Variants in RUNX1 observed in about 807,000 individuals in gnomAD.
RUNX1 encodes the protein runt-related transcription factor 1.
RUNX1 carries 19 observed loss-of-function variants against 42.8 expected under a neutral mutation model. The ratio of observed to expected loss-of-function variants is 0.44; its 90% CI spans 0.31 to 0.65. The LOEUF (loss-of-function observed/expected upper bound fraction) is 0.65. RUNX1 is among the 30% of genes least tolerant of loss of function. The pLI is 0.07. For missense variants in RUNX1, 528 were observed against 672.0 expected (o/e 0.79, Z 2.37); for synonymous variants, 271 against 289.4 (o/e 0.94, Z 0.64).
intron 4 of RUNX1, among the ~76,000 whole-genome samples, chr21:34,885,406 T>C (rs1473162710): frequency 1.3e-5 from 2 of 151,958 alleles, no homozygotes; most frequent in Admixed American, 6.6e-5. Flanking sequence ...CAAATCTAAG[T>C]AAACGGAGGG....
chr21:35,029,460 T>G (rs1686908743), intron 2 of RUNX1, among the ~76,000 whole-genome samples: 1 of 152,124 alleles, frequency 6.6e-6, no homozygotes, highest in Non-Finnish European at 1.5e-5. Flanking sequence ...AATGTTGGCT[T>G]CTAAGGCATT....
At chr21:35,016,971 A>G (rs913657247) in intron 2 of RUNX1, among the ~76,000 whole-genome samples, 13 of 151,648 alleles carry the variant, frequency 8.6e-5, no homozygotes, top group Non-Finnish European at 1.8e-4. Context: ...AGTGCAGAGT[A>G]AGGGCCCAAA....
intron 2 of RUNX1, among the ~76,000 whole-genome samples, chr21:34,917,799 C>G (rs911120424): frequency 1.3e-5 from 2 of 152,020 alleles, no homozygotes; most frequent in African/African-American, 4.8e-5. Context: ...TCGTCAGGAC[C>G]CTAAACGCAT....
intron 2 of RUNX1, among the ~76,000 whole-genome samples, chr21:34,953,126 A>AC (rs1382537287): frequency 7.0e-6 from 1 of 143,298 alleles, no homozygotes; most frequent in African/African-American, 2.8e-5. Flanking sequence ...TGTTTTGGGG[A>AC]CTTTTTTTTT....
chr21:34,992,890 T>C (rs1030813063), intron 2 of RUNX1, among the ~76,000 whole-genome samples: 3 of 151,846 alleles, frequency 2.0e-5, no homozygotes, highest in African/African-American at 4.8e-5. Flanking sequence ...AGTTTCTCCA[T>C]GTCAGGGCTA....
intron 2 of RUNX1, among the ~76,000 whole-genome samples, chr21:35,022,490 A>C (rs940350532): frequency 2.6e-4 from 39 of 152,246 alleles, no homozygotes; most frequent in African/African-American, 8.9e-4. Flanking sequence ...GATTTCAGCA[A>C]TCACTGCTGA....
In RUNX1 at chr21:34,907,619, T is replaced by TCCC. The variant is rs2058233582; in HGVS notation, c.59-14657_59-14656insGGG. On this transcript the variant is annotated intron_variant, in intron 2 of 8. Coordinates refer to ENST00000675419, the MANE Select transcript of RUNX1 (RefSeq NM_001754.5). The surrounding 1 kb of genome is among the most constrained non-coding windows in gnomAD (Gnocchi z 5.3). ...TTGGCTCCCTGTGACTCTCTGAAGTTCTCCTTTCTGTGCCTCCGCTTCCAC... is the reference window on the plus strand; with the variant it reads ...TTGGCTCCCTGTGACTCTCTGAAGTTCCCCTCCTTTCTGTGCCTCCGCTTCCAC... Among the ~76,000 whole-genome samples, 1 of 150,956 alleles carries TCCC rather than the reference T, an allele frequency of 6.6e-6. No homozygotes were observed. The highest frequency in any genetic ancestry group is 1.5e-5 in the Non-Finnish European group (1 of 67,372).
chr21:35,044,811 G>C (rs935107115), intron 2 of RUNX1, among the ~76,000 whole-genome samples: 1 of 152,112 alleles, frequency 6.6e-6, no homozygotes, highest in Non-Finnish European at 1.5e-5. Context: ...CACATCTTTC[G>C]GATCTATTTT....
intron 5 of RUNX1, among the ~76,000 whole-genome samples, chr21:34,868,604 C>T (rs960013985): frequency 5.3e-5 from 8 of 152,204 alleles, no homozygotes; most frequent in African/African-American, 1.9e-4. Flanking sequence ...TCCTTGTCAC[C>T]TGCAGGTCTC....
chr21:34,827,734 C>A (rs6517257), intron 7 of RUNX1, among the ~76,000 whole-genome samples: 1 of 152,202 alleles, frequency 6.6e-6, no homozygotes, highest in South Asian at 2.1e-4. Context: ...CCTAGGTATA[C>A]CTAGGCTGCC....
intron 7 of RUNX1, among the ~76,000 whole-genome samples, chr21:34,805,041 C>T (rs1195482991): frequency 6.6e-6 from 1 of 152,132 alleles, no homozygotes; most frequent in Non-Finnish European, 1.5e-5. Context: ...GCATGAGCCA[C>T]CGTGCCCAGC....
intron 2 of RUNX1, among the ~76,000 whole-genome samples, chr21:34,899,248 A>C (rs2058157313): frequency 6.6e-6 from 1 of 152,102 alleles, no homozygotes; most frequent in South Asian, 2.1e-4. Context: ...TATGGCCTGA[A>C]TGTTTGTATC....
chr21:34,818,688 A>G (rs1466159514), intron 7 of RUNX1, among the ~76,000 whole-genome samples: 1 of 152,264 alleles, frequency 6.6e-6, no homozygotes, highest in East Asian at 1.9e-4. Flanking sequence ...TTTAAGGCTT[A>G]ACACACACAA....
Position 34,909,588 on chromosome 21 carries a change from C to CAAAAAAAAAAAAAAAAAAAAAAAAAAAA in RUNX1, c.59-16626_59-16625insTTTTTTTTTTTTTTTTTTTTTTTTTTTT, listed in dbSNP as rs10584066. ...TTATACAGACCAGGTCACTGTTCCT[C>CAAAAAAAAAAAAAAAAAAAAAAAAAAAA]AAAAAAAAAAAAAAAAAAAAGATGG... On this transcript the variant is annotated intron_variant, in intron 2 of 8. Transcript: ENST00000675419. Among the ~76,000 whole-genome samples the CAAAAAAAAAAAAAAAAAAAAAAAAAAAA allele has an allele frequency of 1.7e-4, 13 of 75,018 alleles. 1 individual carries two copies. Among genetic ancestry groups the CAAAAAAAAAAAAAAAAAAAAAAAAAAAA allele is most frequent in the African/African-American group, 8.1e-4 (13 of 16,002 alleles). 49.2% of individuals were successfully genotyped at this position (75,018 alleles called of 152,430 possible).
chr21:34,858,972 C>T (rs1029486987), intron 6 of RUNX1, among the ~76,000 whole-genome samples: 9 of 152,214 alleles, frequency 5.9e-5, no homozygotes, highest in Middle Eastern at 3.4e-3. Flanking sequence ...TTAAAAATGC[C>T]TGTAATAAGA....
At chr21:34,928,723 G>A (rs10483023) in intron 2 of RUNX1, among the ~76,000 whole-genome samples, 1 of 151,372 alleles carries the variant, frequency 6.6e-6, no homozygotes, top group Non-Finnish European at 1.5e-5. Flanking sequence ...GGCTGATTTA[G>A]ATTTTTTGGC....
chr21:34,801,269 C>T (rs1178073328), intron 7 of RUNX1, among the ~76,000 whole-genome samples: 2 of 152,058 alleles, frequency 1.3e-5, no homozygotes, highest in African/African-American at 4.8e-5. Flanking sequence ...GTGTGAACTG[C>T]AGTACAGTAA....
At chr21:35,021,251 T>C (rs2059195907) in intron 2 of RUNX1, among the ~76,000 whole-genome samples, 1 of 152,232 alleles carries the variant, frequency 6.6e-6, no homozygotes, top group African/African-American at 2.4e-5. Flanking sequence ...CTGTATCTAC[T>C]ATGTAAAGAT....
intron 3 of RUNX1, among the ~76,000 whole-genome samples, chr21:34,890,352 G>A (rs1008553566): frequency 1.3e-4 from 20 of 152,176 alleles, no homozygotes; most frequent in African/African-American, 4.6e-4. Flanking sequence ...AAGACAGGAA[G>A]CCGCCCCAGA....
Sources: allele counts gnomAD v4.1 joint callset (sites outside exome capture counted in the v4.1 genomes callset), GRCh38; gene constraint gnomAD v4.1.1; non-coding constraint Gnocchi (gnomAD v3.1); transcripts MANE v1.5; gene names NCBI Gene and HGNC (gene_info 2026-07-23, HGNC 2026-07-21).